Variants in NRXN1 observed in about 807,000 individuals in gnomAD.
The protein encoded by NRXN1 is neurexin-1.
NRXN1 carries 39 observed loss-of-function variants against 150.9 expected under a neutral mutation model. The observed-to-expected ratio is 0.26, with a 90% CI of 0.20 to 0.34. The LOEUF is 0.34. NRXN1 is among the 10% of genes least tolerant of loss of function. The probability of loss-of-function intolerance (pLI) is 1.00; values close to 1 mark genes in which losing one functional copy is unlikely to be tolerated. For synonymous variants in NRXN1, 924 were observed against 757.0 expected, an observed-to-expected ratio of 1.22 and a Z score of -3.62; for missense variants, 1,815 against 1,949.9, an observed-to-expected ratio of 0.93 and a Z score of 1.30.
chr2:50,588,134 T>C (rs879384590), intron 8 of NRXN1, among the ~76,000 whole-genome samples: 8 of 152,196 alleles, frequency 5.3e-5, no homozygotes, highest in Admixed American at 5.2e-4. Context: ...TTTTGCTGAT[T>C]CTAGCCTATG....
intron 5 of NRXN1, among the ~76,000 whole-genome samples, chr2:50,738,989 T>G (rs545620581): frequency 5.3e-5 from 8 of 152,298 alleles, no homozygotes; most frequent in African/African-American, 1.9e-4. Flanking sequence ...TTTGGAACAC[T>G]TGGTTTGGCT....
intron 5 of NRXN1, among the ~76,000 whole-genome samples, chr2:50,831,355 G>A (rs1422061725): frequency 6.6e-6 from 1 of 152,108 alleles, no homozygotes; most frequent in African/African-American, 2.4e-5. Context: ...AATATACCAG[G>A]TCTGAGTAAA....
intron 5 of NRXN1, among the ~76,000 whole-genome samples, chr2:50,659,310 T>C (rs1686947988): frequency 2.0e-5 from 3 of 152,078 alleles, no homozygotes; most frequent in Non-Finnish European, 4.4e-5. Flanking sequence ...AGAACCTCAT[T>C]ATGTTTAATA....
At chr2:50,112,517 C>T (rs946698104) in intron 18 of NRXN1, among the ~76,000 whole-genome samples, 2 of 152,206 alleles carry the variant, frequency 1.3e-5, no homozygotes, top group South Asian at 2.1e-4. Flanking sequence ...AGTGCATTCT[C>T]GCTCTCTCTC....
intron 5 of NRXN1, among the ~76,000 whole-genome samples, chr2:50,823,216 T>C (rs973987971): frequency 6.6e-6 from 1 of 152,258 alleles, no homozygotes; most frequent in Non-Finnish European, 1.5e-5. Context: ...GCCAAATATA[T>C]TTTAGTTGCC....
chr2:50,879,392 CTTAAA>C (rs1353305245), intron 5 of NRXN1, among the ~76,000 whole-genome samples: 2 of 151,814 alleles, frequency 1.3e-5, no homozygotes, highest in Non-Finnish European at 2.9e-5. Flanking sequence ...TTTTTTCTCT[CTTAAA>C]TTAGTGTATA....
intron 2 of NRXN1, among the ~76,000 whole-genome samples, chr2:50,992,234 T>C (rs1575150463): frequency 6.6e-6 from 1 of 152,058 alleles, no homozygotes; most frequent in Non-Finnish European, 1.5e-5. Context: ...TGTGTTCTCT[T>C]TTATTCCTTA....
rs575583516 is a variant in NRXN1 at position 50,797,321 on chromosome 2, T to C, written c.832+124548A>G. Among the ~76,000 whole-genome samples, 3 of 152,222 alleles carry C rather than the reference T, an allele frequency of 2.0e-5. No individual in the cohort carries two copies. In the South Asian group the frequency reaches 6.2e-4, roughly 32 times the overall value. ...GCAACCAATATCCAGGTGTAGACAGTAGTTCTCAATCACTGGAGATATTGC... is the reference window on the plus strand; with the variant it reads ...GCAACCAATATCCAGGTGTAGACAGCAGTTCTCAATCACTGGAGATATTGC... On this transcript the variant is annotated intron_variant, in intron 5 of 22. Transcript: ENST00000401669.
At position 50,495,900 on chromosome 2, in the gene NRXN1, C is replaced by A; in HGVS notation, c.3070+5G>T. ...GCTCGTTGCTCTGACTTAACATGCA[C>A]TTACTCTTGAGGTCTAAGTTCCTGG... is the stretch of plus-strand genomic sequence containing the variant. On this transcript the variant is annotated splice_donor_5th_base_variant and intron_variant, in intron 15 of 22. Transcript: ENST00000401669. The A allele has an allele frequency of 6.3e-7, 1 of 1,585,668 alleles. No individual in the cohort carries two copies. Among genetic ancestry groups the A allele is most frequent in the South Asian group, 1.2e-5 (1 of 85,572 alleles).
intron 2 of NRXN1, among the ~76,000 whole-genome samples, chr2:50,983,404 C>A (rs562809392): frequency 1.2e-4 from 19 of 152,198 alleles, no homozygotes; most frequent in Middle Eastern, 3.4e-3. Flanking sequence ...TTTCAATGGA[C>A]ACCAGAATCA....
At chr2:50,365,629 T>C (rs568483886) in intron 17 of NRXN1, among the ~76,000 whole-genome samples, 1 of 152,208 alleles carries the variant, frequency 6.6e-6, no homozygotes, top group South Asian at 2.1e-4. Context: ...GTTTTTAATG[T>C]CTTAAAATCC....
At chr2:50,125,921 G>A (rs1704521357) in intron 18 of NRXN1, among the ~76,000 whole-genome samples, 1 of 151,984 alleles carries the variant, frequency 6.6e-6, no homozygotes, top group Non-Finnish European at 1.5e-5. Context: ...TAAGATTTTT[G>A]AGCAAAAGAT....
At chr2:49,985,685 A>G (rs900676140) in intron 21 of NRXN1, among the ~76,000 whole-genome samples, 1 of 152,206 alleles carries the variant, frequency 6.6e-6, no homozygotes, top group East Asian at 1.9e-4. Flanking sequence ...CCTGCAGGAC[A>G]CATCACCAGT....
At chr2:50,519,122 A>G (rs530955837) in intron 12 of NRXN1, among the ~76,000 whole-genome samples, 1 of 151,892 alleles carries the variant, frequency 6.6e-6, no homozygotes, top group African/African-American at 2.4e-5. Context: ...TCTTTACATA[A>G]TGATTGTTCA....
chr2:49,976,031 T>C (rs1042546543), intron 21 of NRXN1, among the ~76,000 whole-genome samples: 1 of 148,220 alleles, frequency 6.7e-6, no homozygotes, highest in Admixed American at 6.7e-5. Flanking sequence ...TTTTTTTTTT[T>C]TTTTTTTTTG....
chr2:50,019,278 G>C (rs1380558488), intron 21 of NRXN1: 1 of 471,496 alleles, frequency 2.1e-6, no homozygotes, highest in South Asian at 1.5e-5. Context: ...CCATAAGTTT[G>C]AAAGCTGTTT....
intron 21 of NRXN1, among the ~76,000 whole-genome samples, chr2:49,978,412 C>G (rs1412314813): frequency 6.6e-6 from 1 of 152,078 alleles, no homozygotes; most frequent in African/African-American, 2.4e-5. Flanking sequence ...CGGGCTCTCA[C>G]GAAGTGTCTC....
chr2:50,431,395 C>T (rs2084952941), intron 17 of NRXN1, among the ~76,000 whole-genome samples: 1 of 152,166 alleles, frequency 6.6e-6, no homozygotes, highest in Non-Finnish European at 1.5e-5. Context: ...TCTTTAATTG[C>T]TCATTCTTAT....
intron 5 of NRXN1, among the ~76,000 whole-genome samples, chr2:50,847,723 C>T (rs1673878166): frequency 6.6e-6 from 1 of 152,138 alleles, no homozygotes; most frequent in South Asian, 2.1e-4. Flanking sequence ...AGAGGATGTC[C>T]AGGGAGCACG....
Sources: allele counts gnomAD v4.1 joint callset (sites outside exome capture counted in the v4.1 genomes callset), GRCh38; gene constraint gnomAD v4.1.1; transcripts MANE v1.5; gene names NCBI Gene and HGNC (gene_info 2026-07-23, HGNC 2026-07-21).